The following TCF3 variants were observed in gnomAD, a reference collection of about 807,000 sequenced individuals.
TCF3 encodes transcription factor 3.
In TCF3, 54 loss-of-function variants were observed where a neutral mutation model predicts 72.3. The observed-to-expected ratio is 0.75, with a 90% CI of 0.60 to 0.94. The LOEUF is 0.94. Ranked by LOEUF, TCF3 falls within the 40% of genes least tolerant of loss-of-function variation. TCF3 has a pLI of 0.00. For missense variants in TCF3, 1,078 were observed against 934.4 expected (o/e 1.15, Z -2.00); for synonymous variants, 525 against 412.6 (o/e 1.27, Z -3.30).
intron 13 of TCF3, 70 bp downstream of exon 13, chr19:1,620,898 G>A (rs912616198): frequency 7.5e-7 from 1 of 1,341,274 alleles, no homozygotes; most frequent in Non-Finnish European, 9.7e-7. Context: ...AGCCTTCACA[G>A]ACCTCAGCCT....
chr19:1,623,934 T>G lies in TCF3; in HGVS notation c.549+17A>C, dbSNP rs1480834456. Reference sequence around the variant, plus strand: ...CACTGACGAGCTGTGGGGTCCCTTCTCCCTCGTGCGACTCACCGAGGATGG... The same window carrying G: ...CACTGACGAGCTGTGGGGTCCCTTCGCCCTCGTGCGACTCACCGAGGATGG... On this transcript the variant is annotated intron_variant, in intron 8 of 18. Coordinates refer to ENST00000262965, the MANE Select transcript of TCF3 (RefSeq NM_003200.5). The G allele has an allele frequency of 6.2e-7, 1 of 1,612,544 alleles. No individual in the cohort carries two copies.
chr19:1,617,756 G>A (rs914024598), intron 16 of TCF3, among the ~76,000 whole-genome samples: 1 of 152,238 alleles, frequency 6.6e-6, no homozygotes, highest in Admixed American at 6.5e-5. Flanking sequence ...GCTGCCCCTG[G>A]AAACTGCTGA....
In TCF3 at chr19:1,615,489, G is replaced by C. The variant is rs778885981; in HGVS notation, c.1618C>G (p.Pro540Ala). The C allele has an allele frequency of 2.1e-5, 34 of 1,610,772 alleles. No individual in the cohort carries two copies. In the South Asian group the frequency reaches 2.7e-4, roughly 13 times the overall value. The change falls in exon 18 of 19, where the codon CCA (proline) becomes GCA (alanine). Residue 540 changes from proline to alanine, a missense_variant. Coordinates refer to ENST00000262965, the MANE Select transcript of TCF3 (RefSeq NM_003200.5). This position sits in a 1 kb window ranked among gnomAD's most constrained non-coding sequence, Gnocchi z 7.3. Reference sequence around the variant, plus strand: ...TTCTCCCGCTCGGCCTTCTGCTCTGGGGGGAGAAGGTCGTCCTCGTCCTCG... The same window carrying C: ...TTCTCCCGCTCGGCCTTCTGCTCTGCGGGGAGAAGGTCGTCCTCGTCCTCG... ...PDEDEDDLLP[P>A]EQKAEREKER...
chr19:1,627,823 AGGGG>A (rs2063110176), intron 5 of TCF3, among the ~76,000 whole-genome samples: 1 of 90,184 alleles, frequency 1.1e-5, no homozygotes, highest in African/African-American at 5.1e-5. Context: ...TGAGGCGGGA[AGGGG>A]ACAGCAGAGC....
intron 3 of TCF3, among the ~76,000 whole-genome samples, chr19:1,638,661 C>T (rs925532362): frequency 3.3e-5 from 5 of 152,208 alleles, no homozygotes; most frequent in African/African-American, 4.8e-5. Context: ...ACGTTGAGAG[C>T]GCGAGAAACG....
intron 2 of TCF3, among the ~76,000 whole-genome samples, chr19:1,648,768 A>G (rs1171792900): frequency 6.6e-6 from 1 of 151,580 alleles, no homozygotes; most frequent in Non-Finnish European, 1.5e-5. Context: ...ATTCAGACTG[A>G]AAGTGCCCTC....
intron 3 of TCF3, among the ~76,000 whole-genome samples, chr19:1,639,678 T>C (rs983879886): frequency 4.6e-5 from 6 of 131,122 alleles, no homozygotes; most frequent in African/African-American, 1.5e-4. Flanking sequence ...ACTGGAGATC[T>C]AGAAATCAAG....
At chr19:1,619,622 G>C in intron 14 of TCF3, 148 bp from the exon 15 acceptor site, 1 of 1,327,152 alleles carries the variant, frequency 7.5e-7, no homozygotes, top group Non-Finnish European at 1.0e-6. Flanking sequence ...GCGCCCGGGA[G>C]CACACACAAA....
intron 5 of TCF3, among the ~76,000 whole-genome samples, chr19:1,629,489 C>T (rs1386012218): frequency 6.6e-6 from 1 of 151,942 alleles, no homozygotes; most frequent in Non-Finnish European, 1.5e-5. Context: ...AGGGCGAGCC[C>T]CCAGCATGGA....
chr19:1,645,728 CT>C (rs760263090), intron 3 of TCF3, among the ~76,000 whole-genome samples: 35 of 152,196 alleles, frequency 2.3e-4, no homozygotes, highest in Admixed American at 4.6e-4. Flanking sequence ...CACGTCTCCC[CT>C]ATCTGTCCCG....
chr19:1,621,084 C>A, intron 12 of TCF3, 38 bp from the exon 13 acceptor site: 1 of 1,518,558 alleles, frequency 6.6e-7, no homozygotes, highest in African/African-American at 1.4e-5. Context: ...GGTCAGGGGC[C>A]GGCCTCTCAG....
Position 1,615,854 on chromosome 19 carries a change from G to A in TCF3, c.1451-33C>T, listed in dbSNP as rs756772223. On this transcript the variant is annotated intron_variant, in intron 16 of 18. Transcript: ENST00000262965. This position sits in a 1 kb window ranked among gnomAD's most constrained non-coding sequence, Gnocchi z 7.3. Reference sequence around the variant, plus strand: ...AGGCCTAGGGTCAGGGGCCTGCGTCGGCCTCCAGGGCCAACTGACATATCT... The same window carrying A: ...AGGCCTAGGGTCAGGGGCCTGCGTCAGCCTCCAGGGCCAACTGACATATCT... The A allele has an allele frequency of 1.5e-5, 23 of 1,502,976 alleles. No individual in the cohort carries two copies. The highest frequency in any genetic ancestry group is 8.2e-5 in the South Asian group (6 of 73,320). The allele number at this position is 1,502,976 out of a possible 1,614,324, so 93.1% of individuals were successfully genotyped here.
chr19:1,612,735 G>A (rs1029642987), intron 18 of TCF3, among the ~76,000 whole-genome samples: 20 of 151,150 alleles, frequency 1.3e-4, no homozygotes, highest in Non-Finnish European at 3.0e-4. Context: ...GTGGGCAGCA[G>A]TGCGGGTACA....
chr19:1,651,022 T>A (rs1382939851), intron 1 of TCF3: 1 of 231,786 alleles, frequency 4.3e-6, no homozygotes, highest in East Asian at 6.1e-5. Flanking sequence ...GAATTATTTT[T>A]AAGCAAAACT....
At chr19:1,612,348 G>A (rs200962332) in intron 18 of TCF3, 12 of 1,613,932 alleles carry the variant, frequency 7.4e-6, no homozygotes, top group East Asian at 4.5e-5. Context: ...TCCCGCACGC[G>A]CACCCGCTCC....
intron 5 of TCF3, among the ~76,000 whole-genome samples, chr19:1,629,554 G>A (rs948502411): frequency 2.6e-5 from 4 of 151,972 alleles, no homozygotes; most frequent in African/African-American, 9.7e-5. Context: ...AGCATGGAGG[G>A]CCTGGGCTAC....
At chr19:1,632,545 G>A (rs1229627702) in intron 3 of TCF3, 140 bp from the exon 4 acceptor site, 10 of 745,572 alleles carry the variant, frequency 1.3e-5, no homozygotes, top group East Asian at 2.7e-5. Flanking sequence ...CACCCAGCCC[G>A]ACTCATGAGG....
In TCF3 at chr19:1,620,999, A is replaced by C; in HGVS notation, c.1062T>G (p.Ser354=). 6.6e-7 allele frequency: 1 copy of C among 1,515,552 alleles called. No individual in the cohort carries two copies. Among genetic ancestry groups the C allele is most frequent in the Non-Finnish European group, 8.8e-7 (1 of 1,132,604 alleles). The allele number at this position is 1,515,552 out of a possible 1,614,324, so 93.9% of individuals were successfully genotyped here. ...HSSNNFSSSP[S]TPVGSPQGLA... ...GGCCCTGGGGGGAGCCCACGGGGGT[A>C]GAAGGGCTGGACGAGAAGTTATTGC... is the stretch of plus-strand genomic sequence containing the variant. Residue 354 remains serine, a synonymous_variant, in exon 13 of 19, where the codon TCT becomes TCG. Transcript: ENST00000262965.
At position 1,615,907 on chromosome 19, in the gene TCF3, G is replaced by C. The variant is rs1460352332; in HGVS notation, c.1451-86C>G. 6.9e-6 allele frequency: 10 copies of C among 1,442,118 alleles called. No individual in the cohort carries two copies. The highest frequency in any genetic ancestry group is 1.6e-5 in the South Asian group (1 of 62,082). The allele number at this position is 1,442,118 out of a possible 1,614,324, so 89.3% of individuals were successfully genotyped here. A position where few individuals can be genotyped will look rare whatever the true frequency, so the allele number is the denominator to read the frequency against. On this transcript the variant is annotated intron_variant, in intron 16 of 18. Transcript: ENST00000262965. This position sits in a 1 kb window ranked among gnomAD's most constrained non-coding sequence, Gnocchi z 7.3. ...TTGTGCTCCTGTGGTGAGGGACTTG[G>C]GCTTTCCTGGAAAAACCAGGTCTTG...
Sources: gnomAD v4.1 joint callset for allele counts (sites outside exome capture counted in the v4.1 genomes callset) on GRCh38, gnomAD v4.1.1 for gene constraint, Gnocchi (gnomAD v3.1) non-coding constraint, MANE v1.5 for transcripts, NCBI Gene and HGNC (gene_info 2026-07-23, HGNC 2026-07-21) for gene names.